Variants in ARID2 observed in about 807,000 individuals in gnomAD.
ARID2 encodes AT-rich interactive domain-containing protein 2.
In ARID2, 32 loss-of-function variants were observed where a neutral mutation model predicts 184.6. The observed-to-expected ratio is 0.17, with a 90% CI of 0.13 to 0.23. The LOEUF (loss-of-function observed/expected upper bound fraction) is 0.23, where lower values mean the gene tolerates loss of function less well. Ranked by LOEUF, ARID2 falls within the 10% of genes least tolerant of loss-of-function variation. ARID2 has a pLI of 1.00. For missense variants in ARID2, 1,696 were observed against 2,197.6 expected (o/e 0.77, Z 4.56); for synonymous variants, 836 against 772.6 (o/e 1.08, Z -1.36).
chr12:45,902,346 T>C (rs558550662), intron 20 of ARID2, among the ~76,000 whole-genome samples: 17 of 152,238 alleles, frequency 1.1e-4, no homozygotes, highest in African/African-American at 4.1e-4. Flanking sequence ...GTGATTTCAG[T>C]TTATTCTTTC....
At chr12:45,817,921 TTC>T (rs1178941798) in intron 5 of ARID2, 33 bp downstream of exon 5, 1 of 1,537,792 alleles carries the variant, frequency 6.5e-7, no homozygotes, top group Non-Finnish European at 8.7e-7. Flanking sequence ...TATATAATTC[TTC>T]TGTAAAAGTT....
intron 20 of ARID2, among the ~76,000 whole-genome samples, chr12:45,897,020 ACTT>A (rs1944377739): frequency 6.6e-6 from 1 of 152,234 alleles, no homozygotes; most frequent in South Asian, 2.1e-4. Flanking sequence ...CAGGACTCCC[ACTT>A]CTGATTTACT....
At chr12:45,861,088 T>A in intron 16 of ARID2, 139 bp downstream of exon 16, 3 of 680,150 alleles carry the variant, frequency 4.4e-6, no homozygotes, top group Non-Finnish European at 6.5e-6. Context: ...GAGTTATATT[T>A]ATGATCCATT....
rs561939993 is a variant in ARID2, at chr12:45,851,382, C to G, written c.3259C>G (p.Pro1087Ala). The G allele has an allele frequency of 6.2e-6, 10 of 1,614,006 alleles. No homozygotes were observed. The African/African-American group carries it at 8.0e-5, about 13-fold the overall frequency. Residue 1087 changes from proline (P) to alanine (A), a missense_variant, in exon 15 of 21, where the codon CCT (proline) becomes GCT (alanine). Physicochemically the swap from Pro to Ala is conservative, Grantham distance 27 (BLOSUM62 -1). Coordinates refer to ENST00000334344, the MANE Select transcript of ARID2 (RefSeq NM_152641.4). The stretch of plus-strand genomic sequence containing the variant: ...TCTCCCAGCTCCACAGATTCCTCCC[C>G]CTAATAATGCAAGAGCTCCTAGCCC... The part of the protein sequence containing the change: ...LILPAPQIPP[P>A]NNARAPSPQV...
chr12:45,826,617 A>T (rs539652656), intron 6 of ARID2, among the ~76,000 whole-genome samples: 1 of 151,792 alleles, frequency 6.6e-6, no homozygotes, highest in South Asian at 2.1e-4. Flanking sequence ...TAGAGTCTTG[A>T]TATGTTCCTC....
intron 6 of ARID2, among the ~76,000 whole-genome samples, chr12:45,826,363 GAA>G (rs1403420858): frequency 1.3e-5 from 2 of 151,962 alleles, no homozygotes; most frequent in Admixed American, 6.6e-5. Flanking sequence ...TAAATAGTGG[GAA>G]AAGAGAGAGA....
At chr12:45,896,110 A>C (rs1409839042) in intron 20 of ARID2, among the ~76,000 whole-genome samples, 1 of 152,194 alleles carries the variant, frequency 6.6e-6, no homozygotes, top group Non-Finnish European at 1.5e-5. Flanking sequence ...GAGTGACACG[A>C]GGTGAGGGTT....
chr12:45,851,787 G>GCATCTCCTGCTGGACAAT lies in ARID2; in HGVS notation c.3669_3686dup (p.Pro1224_Ser1229dup). 6.2e-7 allele frequency: 1 copy of GCATCTCCTGCTGGACAAT among 1,614,108 alleles called. No homozygotes were observed. Among genetic ancestry groups the GCATCTCCTGCTGGACAAT allele is most frequent in the African/African-American group, 1.3e-5 (1 of 75,018 alleles). ...AGTACAAACGCTTCCAGCCACTCAA[G>GCATCTCCTGCTGGACAAT]CATCTCCTGCTGGACAATCATCATG... On this transcript the variant is annotated inframe_insertion, in exon 15 of 21. Transcript: ENST00000334344.
At chr12:45,771,356 CAAAAAAAAA>C (rs57398188) in intron 3 of ARID2, among the ~76,000 whole-genome samples, 1 of 66,482 alleles carries the variant, frequency 1.5e-5, no homozygotes, top group Non-Finnish European at 3.5e-5. Flanking sequence ...GAGTCCATGT[CAAAAAAAAA>C]AAAAAAAAGC....
At chr12:45,820,608 G>A (rs1053674835) in intron 5 of ARID2, among the ~76,000 whole-genome samples, 2 of 151,956 alleles carry the variant, frequency 1.3e-5, no homozygotes, top group Admixed American at 6.6e-5. Context: ...CTTTCATTAC[G>A]GAGCTAATGT....
chr12:45,783,980 C>A (rs1942145161), intron 3 of ARID2, among the ~76,000 whole-genome samples: 1 of 151,858 alleles, frequency 6.6e-6, no homozygotes, highest in Non-Finnish European at 1.5e-5. Flanking sequence ...TATAAATATG[C>A]AAAAAAGTTT....
intron 3 of ARID2, among the ~76,000 whole-genome samples, chr12:45,744,051 A>G (rs745426975): frequency 6.6e-6 from 1 of 151,744 alleles, no homozygotes; most frequent in Non-Finnish European, 1.5e-5. Context: ...TGTCATCTGC[A>G]AATAGGGATT....
intron 3 of ARID2, among the ~76,000 whole-genome samples, chr12:45,755,096 A>C (rs1194495028): frequency 1.3e-5 from 2 of 152,232 alleles, no homozygotes; most frequent in Non-Finnish European, 2.9e-5. Context: ...GGAGGCGTTA[A>C]CGCATGTGAT....
chr12:45,764,705 T>C (rs1310371062), intron 3 of ARID2, among the ~76,000 whole-genome samples: 9 of 152,268 alleles, frequency 5.9e-5, no homozygotes, highest in African/African-American at 2.2e-4. Flanking sequence ...TTCTTTTGTG[T>C]TGTTAAGTAG....
chr12:45,827,928 A>G (rs1164164851), intron 6 of ARID2, among the ~76,000 whole-genome samples: 2 of 152,124 alleles, frequency 1.3e-5, no homozygotes, highest in African/African-American at 4.8e-5. Flanking sequence ...AGATATGTTA[A>G]TCGTATTATT....
chr12:45,766,494 G>T (rs1941772093), intron 3 of ARID2, among the ~76,000 whole-genome samples: 1 of 150,190 alleles, frequency 6.7e-6, no homozygotes, highest in Non-Finnish European at 1.5e-5. Context: ...TGAAAATGAT[G>T]GAGAGTAGAT....
At chr12:45,891,170 A>C (rs1944296152) in intron 16 of ARID2, among the ~76,000 whole-genome samples, 1 of 152,208 alleles carries the variant, frequency 6.6e-6, no homozygotes, top group South Asian at 2.1e-4. Context: ...TCTCAAAAAA[A>C]AAAAAAAAAA....
chr12:45,896,145 C>T (rs1028382140), intron 20 of ARID2, among the ~76,000 whole-genome samples: 15 of 152,186 alleles, frequency 9.9e-5, no homozygotes, highest in African/African-American at 3.6e-4. Context: ...CTGTTTTCAT[C>T]GTATAGACAG....
At chr12:45,760,614 T>C (rs1941658523) in intron 3 of ARID2, among the ~76,000 whole-genome samples, 1 of 152,142 alleles carries the variant, frequency 6.6e-6, no homozygotes, top group Admixed American at 6.5e-5. Context: ...ATACATAAGT[T>C]GTTGCTTATG....
Sources: gnomAD v4.1 joint callset for allele counts (sites outside exome capture counted in the v4.1 genomes callset) on GRCh38, gnomAD v4.1.1 for gene constraint, MANE v1.5 for transcripts, NCBI Gene and HGNC (gene_info 2026-07-23, HGNC 2026-07-21) for gene names.